The following CRACD variants were observed in gnomAD, a reference collection of about 807,000 sequenced individuals.
CRACD encodes capping protein inhibiting regulator of actin dynamics.
Under a neutral mutation model 106.8 loss-of-function variants are expected in CRACD, and 56 were observed. That is an observed-to-expected ratio of 0.52 (90% CI 0.42 to 0.66). CRACD has a LOEUF of 0.66. CRACD is among the 30% of genes least tolerant of loss of function. CRACD has a pLI of 0.00. For synonymous variants in CRACD, 754 were observed against 670.8 expected (o/e 1.12, Z -1.92); for missense variants, 1,730 against 1,623.2 (o/e 1.07, Z -1.13).
intron 2 of CRACD, among the ~76,000 whole-genome samples, chr4:56,235,962 C>A (rs1739942229): frequency 6.6e-6 from 1 of 152,120 alleles, no homozygotes; most frequent in Admixed American, 6.6e-5. Flanking sequence ...TGAATCTGGG[C>A]CTCCACCACA....
intron 1 of CRACD, among the ~76,000 whole-genome samples, chr4:56,108,490 C>T (rs1188640981): frequency 6.6e-6 from 1 of 152,174 alleles, no homozygotes; most frequent in Non-Finnish European, 1.5e-5. Context: ...AGCGGGTGTT[C>T]TCCCCGTGTG....
chr4:56,088,889 G>A (rs1250042892), intron 1 of CRACD, among the ~76,000 whole-genome samples: 1 of 151,954 alleles, frequency 6.6e-6, no homozygotes, highest in African/African-American at 2.4e-5. Context: ...CCACGCCTGG[G>A]TAATTTTTGT....
intron 1 of CRACD, among the ~76,000 whole-genome samples, chr4:56,171,436 A>G (rs1736359942): frequency 6.6e-6 from 1 of 152,204 alleles, no homozygotes; most frequent in South Asian, 2.1e-4. Flanking sequence ...GCAGCATCAT[A>G]GATTAGGGGG....
chr4:56,201,400 G>T (rs1737872262), intron 2 of CRACD, among the ~76,000 whole-genome samples: 1 of 152,138 alleles, frequency 6.6e-6, no homozygotes, highest in African/African-American at 2.4e-5. Flanking sequence ...AACAGTAAAA[G>T]CTTAAATTAA....
At chr4:56,125,248 AT>A (rs1319608146) in intron 1 of CRACD, among the ~76,000 whole-genome samples, 1 of 151,960 alleles carries the variant, frequency 6.6e-6, no homozygotes. Context: ...CAAAATGTTG[AT>A]TTTTTTAAAT....
At chr4:56,160,099 A>T (rs1459869807) in intron 1 of CRACD, among the ~76,000 whole-genome samples, 1 of 151,668 alleles carries the variant, frequency 6.6e-6, no homozygotes, top group Non-Finnish European at 1.5e-5. Flanking sequence ...CTTTCATTGG[A>T]ATTTTTTTTC....
At chr4:56,283,792 A>G (rs1023910763) in intron 3 of CRACD, among the ~76,000 whole-genome samples, 1 of 152,192 alleles carries the variant, frequency 6.6e-6, no homozygotes, top group African/African-American at 2.4e-5. Flanking sequence ...TTCTTTAGGT[A>G]GAGTGAAACA....
intron 2 of CRACD, among the ~76,000 whole-genome samples, chr4:56,255,481 TAAAAA>T (rs10564197): frequency 6.8e-6 from 1 of 147,512 alleles, no homozygotes; most frequent in African/African-American, 2.5e-5. Context: ...ACTGACTCTT[TAAAAA>T]AAAAAAATCA....
intron 2 of CRACD, among the ~76,000 whole-genome samples, chr4:56,189,865 A>T (rs982267039): frequency 1.3e-5 from 2 of 149,436 alleles, no homozygotes; most frequent in African/African-American, 4.9e-5. Context: ...CATGTGCACA[A>T]TGTGCAGGTT....
intron 1 of CRACD, among the ~76,000 whole-genome samples, chr4:56,090,101 T>C (rs773553313): frequency 2.6e-5 from 4 of 151,812 alleles, no homozygotes; most frequent in Non-Finnish European, 5.9e-5. Context: ...TATTCTGCCT[T>C]CCTTAATCAG....
At chr4:56,053,706 A>G (rs1731951311) in intron 1 of CRACD, among the ~76,000 whole-genome samples, 1 of 152,182 alleles carries the variant, frequency 6.6e-6, no homozygotes, top group Non-Finnish European at 1.5e-5. Context: ...ACTTTTAACC[A>G]TATATTTAAA....
chr4:56,085,222 G>T (rs962651759), intron 1 of CRACD, among the ~76,000 whole-genome samples: 7 of 152,190 alleles, frequency 4.6e-5, no homozygotes, highest in Non-Finnish European at 1.0e-4. Context: ...GGAGAGGTGT[G>T]TGCTGCGCAT....
At chr4:56,051,861 C>A (rs1468934649) in intron 1 of CRACD, among the ~76,000 whole-genome samples, 1 of 152,118 alleles carries the variant, frequency 6.6e-6, no homozygotes, top group African/African-American at 2.4e-5. Flanking sequence ...GCTCTGCATC[C>A]TTGGCAGGTG....
intron 1 of CRACD, among the ~76,000 whole-genome samples, chr4:56,065,374 C>G (rs1732432067): frequency 6.6e-6 from 1 of 152,170 alleles, no homozygotes; most frequent in Non-Finnish European, 1.5e-5. Flanking sequence ...AGTCGTGAGC[C>G]ACTGCGCCCA....
At chr4:56,244,285 AG>A in intron 2 of CRACD, among the ~76,000 whole-genome samples, 1 of 152,082 alleles carries the variant, frequency 6.6e-6, no homozygotes, top group South Asian at 2.1e-4. Context: ...GGGGCCTGGA[AG>A]GGGGTTCATA....
chr4:56,077,420 CA>C (rs1163931025), intron 1 of CRACD, among the ~76,000 whole-genome samples: 1 of 152,166 alleles, frequency 6.6e-6, no homozygotes, highest in East Asian at 1.9e-4. Context: ...GGGGCACAGC[CA>C]AACCATATCA....
At chr4:56,078,721 A>G (rs764124099) in intron 1 of CRACD, among the ~76,000 whole-genome samples, 1 of 152,166 alleles carries the variant, frequency 6.6e-6, no homozygotes, top group Non-Finnish European at 1.5e-5. Flanking sequence ...GGGCACCTTT[A>G]TTCATAAACA....
intron 2 of CRACD, among the ~76,000 whole-genome samples, chr4:56,208,344 TC>T (rs1738230747): frequency 6.6e-6 from 1 of 152,158 alleles, no homozygotes; most frequent in Admixed American, 6.5e-5. Context: ...GATGACATTC[TC>T]AGAAGACCCA....
chr4:56,080,496 T>A (rs936758755), intron 1 of CRACD, among the ~76,000 whole-genome samples: 1 of 152,204 alleles, frequency 6.6e-6, no homozygotes, highest in Non-Finnish European at 1.5e-5. Flanking sequence ...TGCCAGGAAG[T>A]ACTACATCAT....
Sources: gnomAD v4.1 joint callset for allele counts (sites outside exome capture counted in the v4.1 genomes callset) on GRCh38, gnomAD v4.1.1 for gene constraint, MANE v1.5 for transcripts, NCBI Gene and HGNC (gene_info 2026-07-23, HGNC 2026-07-21) for gene names.